TEX9: variants seen among roughly 807,000 people sequenced by gnomAD.
TEX9 encodes testis-expressed protein 9.
Under a neutral mutation model 59.6 loss-of-function variants are expected in TEX9, and 74 were observed. That is an observed-to-expected ratio of 1.24 (90% CI 1.03 to 1.51). TEX9 has a LOEUF of 1.51. Among genes scored for constraint, TEX9 ranks in the 40% most tolerant of loss-of-function variants. The probability of loss-of-function intolerance (pLI) is 0.00; values close to 1 mark genes in which losing one functional copy is unlikely to be tolerated. For missense variants in TEX9, 522 were observed against 447.8 expected (o/e 1.17, Z -1.49); for synonymous variants, 186 against 152.2 (o/e 1.22, Z -1.64).
chr15:56,402,282 C>A (rs1167996971), intron 9 of TEX9, among the ~76,000 whole-genome samples: 1 of 151,972 alleles, frequency 6.6e-6, no homozygotes, highest in African/African-American at 2.4e-5. Flanking sequence ...CAAATAGACG[C>A]AATAAAAAAT....
intron 12 of TEX9, chr15:56,431,297 C>T (rs2050587989): frequency 6.5e-7 from 1 of 1,544,228 alleles, no homozygotes; most frequent in Non-Finnish European, 8.8e-7. Context: ...AACCAAGGCA[C>T]TCTAAAATCC....
chr15:56,373,349 T>G, intron 2 of TEX9, 92 bp from the exon 3 acceptor site: 1 of 1,229,804 alleles, frequency 8.1e-7, no homozygotes, highest in South Asian at 1.4e-5. Flanking sequence ...TGGCATTTGT[T>G]GATTACGTCA....
intron 5 of TEX9, 51 bp downstream of exon 5, chr15:56,388,571 A>T (rs2142237150): frequency 6.6e-7 from 1 of 1,514,986 alleles, no homozygotes; most frequent in East Asian, 2.3e-5. Context: ...AGAACTCCGG[A>T]TATTTTTTAG....
intron 9 of TEX9, chr15:56,410,235 ATTTATCCTCATCT>A (rs2049282806): frequency 6.6e-6 from 1 of 152,026 alleles, no homozygotes; most frequent in Non-Finnish European, 1.5e-5. Flanking sequence ...CTGATTATTT[ATTTATCCTCATCT>A]GATTATTTCT....
intron 1 of TEX9, among the ~76,000 whole-genome samples, chr15:56,259,631 A>C (rs1430417756): frequency 1.3e-5 from 2 of 152,086 alleles, no homozygotes; most frequent in Non-Finnish European, 2.9e-5. Context: ...CACTGCATTA[A>C]ATATTGTAGC....
chr15:56,365,672 T>A lies in TEX9; in HGVS notation c.119+2T>A. 6.2e-7 allele frequency: 1 copy of A among 1,613,846 alleles called. No homozygotes were observed. Among genetic ancestry groups the A allele is most frequent in the Non-Finnish European group, 8.5e-7 (1 of 1,179,900 alleles). On this transcript the variant is annotated splice_donor_variant, in intron 2 of 12. Transcript: ENST00000352903. LOFTEE classifies it high-confidence loss of function. ...CCTCGCCTTGGAGGAAGAATATAAG[T>A]AAGAAATTCGGCGGTTGAACTTTTC...
At chr15:56,307,545 A>C (rs2045512504) in intron 1 of TEX9, among the ~76,000 whole-genome samples, 1 of 152,246 alleles carries the variant, frequency 6.6e-6, no homozygotes, top group African/African-American at 2.4e-5. Flanking sequence ...TTAAATGTCC[A>C]ATATTTGCCA....
intron 12 of TEX9, among the ~76,000 whole-genome samples, chr15:56,432,294 T>C (rs548487051): frequency 2.8e-4 from 43 of 152,334 alleles, no homozygotes; most frequent in Non-Finnish European, 5.4e-4. Context: ...TTTAGGCAGT[T>C]ACGAAATCAA....
At chr15:56,446,707 A>G (rs746914425), downstream of TEX9, 2 of 632,076 alleles carry the variant, frequency 3.2e-6, no homozygotes, top group Non-Finnish European at 5.3e-6. Flanking sequence ...CATCTTAAGG[A>G]TCTGAAAATT....
At chr15:56,434,678 T>G (rs2140331226) in intron 12 of TEX9, among the ~76,000 whole-genome samples, 1 of 152,278 alleles carries the variant, frequency 6.6e-6, no homozygotes, top group Admixed American at 6.5e-5. Context: ...TGGAAAGAGC[T>G]GTTACAAAAG....
intron 1 of TEX9, among the ~76,000 whole-genome samples, chr15:56,291,800 C>A (rs2045101531): frequency 6.6e-6 from 1 of 152,168 alleles, no homozygotes; most frequent in Admixed American, 6.5e-5. Context: ...GGGCTTCAGC[C>A]AATTCTACTC....
intron 9 of TEX9, among the ~76,000 whole-genome samples, chr15:56,406,531 T>G (rs2049089252): frequency 6.6e-6 from 1 of 152,194 alleles, no homozygotes; most frequent in Non-Finnish European, 1.5e-5. Context: ...TAAACTGTGT[T>G]CCACAGTGAT....
the TEX9 span, chr15:56,456,449 G>A: frequency 6.2e-7 from 1 of 1,612,212 alleles, no homozygotes; most frequent in Non-Finnish European, 8.5e-7. Flanking sequence ...TCATGTTTCA[G>A]TTTTGCCAAT....
intron 12 of TEX9, among the ~76,000 whole-genome samples, chr15:56,443,146 G>A (rs574246336): frequency 1.4e-4 from 22 of 152,180 alleles, no homozygotes; most frequent in South Asian, 8.3e-4. Flanking sequence ...TGTATGTTAC[G>A]TATCTTTCAC....
chr15:56,244,425 A>G (rs1386447329), intron 1 of TEX9: 1 of 152,256 alleles, frequency 6.6e-6, no homozygotes, highest in African/African-American at 2.4e-5. Context: ...AAGCCCTCCA[A>G]ATCTGGCCCC....
At chr15:56,291,938 T>C (rs576761740) in intron 1 of TEX9, among the ~76,000 whole-genome samples, 21 of 152,382 alleles carry the variant, frequency 1.4e-4, no homozygotes, top group Admixed American at 3.9e-4. Flanking sequence ...CCTTTAGTAC[T>C]ATCACATAAC....
rs747435082 is a variant in TEX9 at position 56,365,478 on chromosome 15, G to T, written c.27+1G>T. 7 of 1,614,132 alleles carry T rather than the reference G, an allele frequency of 4.3e-6. No homozygotes were observed. The South Asian group carries it at 5.5e-5, about 13-fold the overall frequency. On this transcript the variant is annotated splice_donor_variant, in intron 1 of 12. Transcript: ENST00000352903. LOFTEE classifies it high-confidence loss of function. Reference sequence around the variant, plus strand: ...GGCGGGGCGAAGTCTGTGTCTCACGGTCAGTTCAACTCCAGGCTCCTGGGG... The same window carrying T: ...GGCGGGGCGAAGTCTGTGTCTCACGTTCAGTTCAACTCCAGGCTCCTGGGG...
intron 1 of TEX9, among the ~76,000 whole-genome samples, chr15:56,261,886 C>T (rs2044277924): frequency 6.6e-6 from 1 of 152,194 alleles, no homozygotes; most frequent in South Asian, 2.1e-4. Context: ...GATCAACACC[C>T]TGTTGTAGAG....
At chr15:56,352,472 T>A (rs1214928241) in intron 1 of TEX9, among the ~76,000 whole-genome samples, 1 of 151,976 alleles carries the variant, frequency 6.6e-6, no homozygotes. Context: ...AGGCTGGTCT[T>A]GAACTCCTGA....
Sources: gnomAD v4.1 joint callset for allele counts (sites outside exome capture counted in the v4.1 genomes callset) on GRCh38, gnomAD v4.1.1 for gene constraint, MANE v1.5 for transcripts, NCBI Gene and HGNC (gene_info 2026-07-23, HGNC 2026-07-21) for gene names.